The following EDEM2 variants were observed in gnomAD, a reference collection of about 807,000 sequenced individuals.
EDEM2 encodes ER degradation-enhancing alpha-mannosidase-like protein 2.
A neutral mutation model predicts 64.8 loss-of-function variants in EDEM2; 39 were observed. The observed-to-expected ratio is 0.60, with a 90% CI of 0.47 to 0.79. EDEM2 has a LOEUF of 0.79. Among genes scored for constraint, EDEM2 ranks in the 30% least tolerant of loss-of-function variants. The pLI is 0.00. For synonymous variants in EDEM2, 296 were observed against 291.5 expected (o/e 1.02, Z -0.16); for missense variants, 609 against 731.3 (o/e 0.83, Z 1.93).
chr20:35,119,002 T>TC (rs1410950692), intron 9 of EDEM2, among the ~76,000 whole-genome samples: 1 of 152,158 alleles, frequency 6.6e-6, no homozygotes, highest in Non-Finnish European at 1.5e-5. Context: ...GTTGCCTAAT[T>TC]CCCAATATCT....
At chr20:35,145,217 T>C (rs1366138833) in intron 2 of EDEM2, among the ~76,000 whole-genome samples, 199 bp from the exon 3 acceptor site, 1 of 152,224 alleles carries the variant, frequency 6.6e-6, no homozygotes, top group Non-Finnish European at 1.5e-5. Flanking sequence ...GAGGGTTGGC[T>C]GATGTAGCTC....
In EDEM2 at chr20:35,124,109, A is replaced by T. The variant is rs73279926; in HGVS notation, c.970-75T>A. On this transcript the variant is annotated intron_variant, in intron 8 of 10. Coordinates refer to ENST00000374492, the MANE Select transcript of EDEM2 (RefSeq NM_018217.3). ...CACAGACAACCTTAAGAAAAGACAA[A>T]GTAAAATCTGTGGGGCCAAAAAGGC... The T allele has an allele frequency of 0.017, 26,998 of 1,548,710 alleles. 4,042 individuals carry two copies. In the African/African-American group the frequency reaches 0.33, roughly 19 times the overall value.
intron 8 of EDEM2, among the ~76,000 whole-genome samples, chr20:35,124,470 G>A (rs943506475): frequency 6.6e-6 from 1 of 152,062 alleles, no homozygotes; most frequent in Non-Finnish European, 1.5e-5. Context: ...GCACAATCAC[G>A]GTTCATTACA....
chr20:35,134,605 G>T, intron 6 of EDEM2, 133 bp downstream of exon 6: 3 of 940,302 alleles, frequency 3.2e-6, no homozygotes, highest in Non-Finnish European at 1.6e-6. Context: ...GTCTATTTTT[G>T]GTGTCCTGAG....
intron 6 of EDEM2, 45 bp from the exon 7 acceptor site, chr20:35,131,828 C>T: frequency 6.3e-7 from 1 of 1,596,144 alleles, no homozygotes; most frequent in Non-Finnish European, 8.6e-7. Flanking sequence ...AGGCCGATGG[C>T]CAAAGAAGGA....
intron 2 of EDEM2, among the ~76,000 whole-genome samples, chr20:35,145,718 C>A (rs981458050): frequency 1.3e-5 from 2 of 152,062 alleles, no homozygotes; most frequent in Non-Finnish European, 2.9e-5. Context: ...TCACTTCAAA[C>A]GAGTGTAGGC....
At chr20:35,140,314 T>C (rs562600466) in intron 4 of EDEM2, among the ~76,000 whole-genome samples, 1 of 152,258 alleles carries the variant, frequency 6.6e-6, no homozygotes, top group Admixed American at 6.5e-5. Context: ...TGAAACACCA[T>C]CTCTACTAAA....
chr20:35,117,410 G>A (rs1233289096), intron 10 of EDEM2, among the ~76,000 whole-genome samples: 1 of 152,156 alleles, frequency 6.6e-6, no homozygotes, highest in Non-Finnish European at 1.5e-5. Flanking sequence ...CCCTGTTTGA[G>A]AAAGGTCAGA....
chr20:35,138,621 CTA>C (rs2085610446), intron 4 of EDEM2, among the ~76,000 whole-genome samples: 2 of 151,396 alleles, frequency 1.3e-5, no homozygotes, highest in African/African-American at 4.9e-5. Flanking sequence ...GCTCTGTCAC[CTA>C]GGCTGGAGTG....
At chr20:35,129,533 T>C (rs2085480304) in intron 7 of EDEM2, among the ~76,000 whole-genome samples, 1 of 148,024 alleles carries the variant, frequency 6.8e-6, no homozygotes, top group Admixed American at 6.8e-5. Context: ...ATCATGCCAC[T>C]GCACTCCAGC....
At chr20:35,126,869 A>G (rs1431604337) in intron 7 of EDEM2, among the ~76,000 whole-genome samples, 1 of 152,100 alleles carries the variant, frequency 6.6e-6, no homozygotes, top group Non-Finnish European at 1.5e-5. Flanking sequence ...CTGAGATCGC[A>G]CCATTGCACT....
chr20:35,120,593 CTTT>C (rs5841194), intron 9 of EDEM2, among the ~76,000 whole-genome samples: 15 of 95,058 alleles, frequency 1.6e-4, no homozygotes, highest in Non-Finnish European at 2.3e-4. Flanking sequence ...TCGGCTTCTT[CTTT>C]TTTTTTTTTT....
rs1299358720 is a variant in EDEM2 at position 35,147,301 on chromosome 20, C to T, written c.-43G>A. 6.9e-7 allele frequency: 1 copy of T among 1,458,230 alleles called. No homozygotes were observed. Among genetic ancestry groups the T allele is most frequent in the Non-Finnish European group, 9.1e-7 (1 of 1,101,274 alleles). The allele number at this position is 1,458,230 out of a possible 1,614,324, so 90.3% of individuals were successfully genotyped here. ...AGCGCCCCCGCAGCAGCAGCAGCCACTGCAACCAGTTCATCCTGGGAGCTG... is the reference window on the plus strand; with the variant it reads ...AGCGCCCCCGCAGCAGCAGCAGCCATTGCAACCAGTTCATCCTGGGAGCTG... On this transcript the variant is annotated 5_prime_UTR_variant, in exon 1 of 11. The change creates a new upstream start codon in the 5' untranslated region. Coordinates refer to ENST00000374492, the MANE Select transcript of EDEM2 (RefSeq NM_018217.3).
chr20:35,142,732 T>C (rs142283407), intron 3 of EDEM2, among the ~76,000 whole-genome samples: 1 of 152,296 alleles, frequency 6.6e-6, no homozygotes, highest in Non-Finnish European at 1.5e-5. Context: ...GGACACAATA[T>C]AAAGAACGCA....
intron 7 of EDEM2, among the ~76,000 whole-genome samples, chr20:35,129,990 T>A (rs2085486564): frequency 6.6e-6 from 1 of 152,220 alleles, no homozygotes; most frequent in African/African-American, 2.4e-5. Context: ...TCTCAGACTA[T>A]ATCCCTGTCA....
intron 4 of EDEM2, among the ~76,000 whole-genome samples, chr20:35,142,016 T>C (rs987233829): frequency 1.3e-5 from 2 of 152,198 alleles, no homozygotes; most frequent in African/African-American, 2.4e-5. Flanking sequence ...ATAAGACATT[T>C]CCATCACTGC....
At position 35,146,821 on chromosome 20, in the gene EDEM2, C is replaced by G. The variant is rs1164463599; in HGVS notation, c.218+4G>C. On this transcript the variant is annotated splice_donor_region_variant and intron_variant, in intron 2 of 10. Transcript: ENST00000374492. Reference sequence around the variant, plus strand: ...GCCGCCCCTTGCCCCTCCGCTCGCACTACCTGCCCCAGGTGTCGTGCCCGT... The same window carrying G: ...GCCGCCCCTTGCCCCTCCGCTCGCAGTACCTGCCCCAGGTGTCGTGCCCGT... The G allele has an allele frequency of 6.2e-7, 1 of 1,613,650 alleles. No homozygotes were observed. Among genetic ancestry groups the G allele is most frequent in the Admixed American group, 1.7e-5 (1 of 59,978 alleles).
At chr20:35,126,510 C>T in intron 7 of EDEM2, 135 bp from the exon 8 acceptor site, 1 of 1,101,258 alleles carries the variant, frequency 9.1e-7, no homozygotes, top group South Asian at 1.5e-5. Flanking sequence ...TAGACAAGAG[C>T]ATGGATTCTG....
rs746259676 is a variant in EDEM2 at position 35,115,794 on chromosome 20, G to T, written c.1376C>A (p.Thr459Asn). The change falls in exon 11 of 11, where the codon ACC (threonine) becomes AAC (asparagine). Residue 459 changes from threonine to asparagine, a missense_variant. Transcript: ENST00000374492. ...NNGSTFDAVI[T>N]PYGECILGAG... ...CCCCAGGATGCACTCCCCATAGGGG[G>T]TGATCACCGCGTCGAAGGTGGACCC... 2 of 1,614,074 alleles carry T rather than the reference G, an allele frequency of 1.2e-6. No homozygotes were observed. The highest frequency in any genetic ancestry group is 1.7e-6 in the Non-Finnish European group (2 of 1,180,050).
Sources: gnomAD v4.1 joint callset for allele counts (sites outside exome capture counted in the v4.1 genomes callset) on GRCh38, gnomAD v4.1.1 for gene constraint, MANE v1.5 for transcripts, NCBI Gene and HGNC (gene_info 2026-07-23, HGNC 2026-07-21) for gene names.